Variants in MAP2 observed in about 807,000 individuals in gnomAD.
The protein encoded by MAP2 is microtubule-associated protein 2.
MAP2 carries 14 observed loss-of-function variants against 137.6 expected under a neutral mutation model. The observed-to-expected ratio is 0.10, with a 90% CI of 0.07 to 0.16. The LOEUF (loss-of-function observed/expected upper bound fraction) is 0.16. MAP2 is among the 10% of genes least tolerant of loss of function. The probability of loss-of-function intolerance (pLI) is 1.00; values close to 1 mark genes in which losing one functional copy is unlikely to be tolerated. For missense variants in MAP2, 2,088 were observed against 2,191.5 expected (o/e 0.95, Z 0.94); for synonymous variants, 786 against 782.3 (o/e 1.00, Z -0.08).
chr2:209,641,447 C>G lies in MAP2; in HGVS notation c.-29-11695C>G, dbSNP rs1211379867. Among the ~76,000 whole-genome samples the G allele has an allele frequency of 5.3e-5, 8 of 151,602 alleles. No homozygotes were observed. In the East Asian group the frequency reaches 1.6e-3, roughly 29 times the overall value. On this transcript the variant is annotated intron_variant, in intron 4 of 15. Transcript: ENST00000682079. ...AAAATTATGATTAGAATTTTTTCTCCTTATAAAGAAAAATTCTAATGTAGG... is the reference window on the plus strand; with the variant it reads ...AAAATTATGATTAGAATTTTTTCTCGTTATAAAGAAAAATTCTAATGTAGG...
At chr2:209,721,141 C>T (rs1178232379) in intron 13 of MAP2, among the ~76,000 whole-genome samples, 1 of 152,096 alleles carries the variant, frequency 6.6e-6, no homozygotes, top group Non-Finnish European at 1.5e-5. Context: ...ATATGAGTCA[C>T]GCGGAATAGG....
At chr2:209,526,394 A>T (rs1302533580) in intron 2 of MAP2, among the ~76,000 whole-genome samples, 1 of 151,976 alleles carries the variant, frequency 6.6e-6, no homozygotes, top group Non-Finnish European at 1.5e-5. Flanking sequence ...TCCAATTTAA[A>T]GAATATAAAA....
chr2:209,648,621 C>CAA (rs1228232293), intron 4 of MAP2, among the ~76,000 whole-genome samples: 665 of 51,004 alleles, frequency 0.013, 19 homozygotes, highest in African/African-American at 0.029. Flanking sequence ...ACTAAAAATA[C>CAA]AAAAAAAAAA....
intron 2 of MAP2, among the ~76,000 whole-genome samples, chr2:209,546,240 A>G (rs774662542): frequency 6.6e-6 from 1 of 152,258 alleles, no homozygotes; most frequent in Non-Finnish European, 1.5e-5. Context: ...ATGTTTTTAT[A>G]TATACACATA....
intron 4 of MAP2, among the ~76,000 whole-genome samples, chr2:209,634,271 A>G (rs185572772): frequency 1.3e-4 from 20 of 152,302 alleles, no homozygotes; most frequent in Admixed American, 1.1e-3. Flanking sequence ...GATTTTTTGG[A>G]AAATCTCATT....
At chr2:209,649,031 TA>T (rs948266863) in intron 4 of MAP2, among the ~76,000 whole-genome samples, 1 of 152,156 alleles carries the variant, frequency 6.6e-6, no homozygotes, top group African/African-American at 2.4e-5. Flanking sequence ...TTCACTTTTT[TA>T]TTTGTATCTT....
chr2:209,697,356 C>A (rs1270539122), intron 10 of MAP2, among the ~76,000 whole-genome samples: 1 of 151,970 alleles, frequency 6.6e-6, no homozygotes, highest in African/African-American at 2.4e-5. Context: ...TAGACGATGG[C>A]GATGAATTTA....
chr2:209,497,744 C>G (rs1231124084), intron 1 of MAP2, among the ~76,000 whole-genome samples: 2 of 152,034 alleles, frequency 1.3e-5, no homozygotes, highest in Admixed American at 6.6e-5. Context: ...ATGGGAGGCT[C>G]CACATTCTCT....
At chr2:209,640,880 C>CTTTTTTTTTTTTTTT (rs71043944) in intron 4 of MAP2, among the ~76,000 whole-genome samples, 1 of 137,388 alleles carries the variant, frequency 7.3e-6, no homozygotes, top group Non-Finnish European at 1.5e-5. Flanking sequence ...ATTATCTATT[C>CTTTTTTTTTTTTTTT]TTTTTTTTTT....
intron 5 of MAP2, among the ~76,000 whole-genome samples, chr2:209,677,636 T>G (rs991301957): frequency 6.6e-6 from 1 of 152,070 alleles, no homozygotes; most frequent in Non-Finnish European, 1.5e-5. Flanking sequence ...TAGAAAGTTT[T>G]GTGATTATGT....
At chr2:209,656,134 T>A (rs1205014495) in intron 5 of MAP2, among the ~76,000 whole-genome samples, 1 of 152,194 alleles carries the variant, frequency 6.6e-6, no homozygotes, top group Admixed American at 6.5e-5. Flanking sequence ...ATAATAATTT[T>A]TAAAGATGCA....
chr2:209,597,326 T>G (rs748540210), intron 3 of MAP2, among the ~76,000 whole-genome samples: 6 of 152,238 alleles, frequency 3.9e-5, no homozygotes, highest in Non-Finnish European at 7.3e-5. Context: ...TTCATCATCA[T>G]TTCTCTGTAT....
intron 2 of MAP2, among the ~76,000 whole-genome samples, chr2:209,521,546 CTT>C (rs936333206): frequency 1.3e-5 from 2 of 151,582 alleles, no homozygotes; most frequent in African/African-American, 4.8e-5. Context: ...CTTGTAAACT[CTT>C]TAATCTTATT....
At chr2:209,549,918 G>A (rs1031643548) in intron 2 of MAP2, among the ~76,000 whole-genome samples, 3 of 152,158 alleles carry the variant, frequency 2.0e-5, no homozygotes, top group Non-Finnish European at 4.4e-5. Flanking sequence ...AAGTTTACTC[G>A]TCTTTACAGT....
intron 3 of MAP2, among the ~76,000 whole-genome samples, chr2:209,606,956 CA>C (rs1473057025): frequency 5.3e-5 from 8 of 152,192 alleles, no homozygotes; most frequent in Non-Finnish European, 1.2e-4. Flanking sequence ...TGTTAATCTT[CA>C]GCAGAAATAT....
intron 2 of MAP2, among the ~76,000 whole-genome samples, chr2:209,575,796 G>A (rs1050451525): frequency 2.0e-5 from 3 of 152,106 alleles, no homozygotes; most frequent in Admixed American, 6.5e-5. Flanking sequence ...GACTGCCCTC[G>A]TGGAACTAGC....
intron 7 of MAP2, among the ~76,000 whole-genome samples, chr2:209,685,632 T>C (rs1477641288): frequency 6.6e-6 from 1 of 152,192 alleles, no homozygotes; most frequent in African/African-American, 2.4e-5. Context: ...CCAGGCCAGA[T>C]GAATACTAAA....
At chr2:209,549,454 C>T (rs964621040) in intron 2 of MAP2, among the ~76,000 whole-genome samples, 1 of 152,152 alleles carries the variant, frequency 6.6e-6, no homozygotes, top group Non-Finnish European at 1.5e-5. Flanking sequence ...GAAATCCTCT[C>T]TAGAACTGTG....
chr2:209,527,510 C>T (rs955975958), intron 2 of MAP2, among the ~76,000 whole-genome samples: 26 of 152,124 alleles, frequency 1.7e-4, no homozygotes, highest in Non-Finnish European at 7.4e-5. Context: ...TCTCTTCTTT[C>T]TCACCACATC....
Sources: gnomAD v4.1 joint callset for allele counts (sites outside exome capture counted in the v4.1 genomes callset) on GRCh38, gnomAD v4.1.1 for gene constraint, MANE v1.5 for transcripts, NCBI Gene and HGNC (gene_info 2026-07-23, HGNC 2026-07-21) for gene names.